Variants in PTCHD4 observed in about 807,000 individuals in gnomAD.
PTCHD4 encodes the protein patched domain-containing protein 4.
PTCHD4 carries 33 observed loss-of-function variants against 58.1 expected under a neutral mutation model. The ratio of observed to expected loss-of-function variants is 0.57; its 90% CI spans 0.43 to 0.76. The LOEUF (loss-of-function observed/expected upper bound fraction) is 0.76. Ranked by LOEUF, PTCHD4 falls within the 30% of genes least tolerant of loss-of-function variation. The pLI is 0.00. For synonymous variants in PTCHD4, 478 were observed against 409.6 expected (o/e 1.17, Z -2.02); for missense variants, 1,058 against 1,027.1 (o/e 1.03, Z -0.41).
rs146921680 is a variant in PTCHD4 at position 47,897,494 on chromosome 6, T to G, written c.899-17558A>C. ...ATTCTGTCTCCAACAGCAACTGAAT[T>G]TATGAGGCAAACCACAGTCCTCCAT... On this transcript the variant is annotated intron_variant, in intron 4 of 4. Coordinates refer to ENST00000339488, the MANE Select transcript of PTCHD4 (RefSeq NM_001384253.1). 1.5e-4 allele frequency among the ~76,000 whole-genome samples: 23 copies of G among 152,302 alleles called. No homozygotes were observed. In the East Asian group the frequency reaches 4.4e-3, roughly 29 times the overall value.
chr6:48,004,060 T>C (rs1562001050), intron 4 of PTCHD4, among the ~76,000 whole-genome samples: 1 of 152,194 alleles, frequency 6.6e-6, no homozygotes, highest in Non-Finnish European at 1.5e-5. Context: ...TTAGTTGTCC[T>C]ATTCATCCCT....
intron 1 of PTCHD4, among the ~76,000 whole-genome samples, chr6:48,102,402 T>A (rs1392253032): frequency 6.6e-6 from 1 of 152,212 alleles, no homozygotes; most frequent in Non-Finnish European, 1.5e-5. Flanking sequence ...GTTCTCGAGT[T>A]TCAGCCAAAA....
intron 4 of PTCHD4, among the ~76,000 whole-genome samples, chr6:47,958,038 T>A (rs576190918): frequency 1.8e-4 from 28 of 152,338 alleles, no homozygotes; most frequent in African/African-American, 6.0e-4. Context: ...GAAAGCCCAC[T>A]CTTTAGCTAC....
At chr6:47,917,046 A>G (rs2113877597) in intron 4 of PTCHD4, among the ~76,000 whole-genome samples, 1 of 152,014 alleles carries the variant, frequency 6.6e-6, no homozygotes, top group African/African-American at 2.4e-5. Context: ...CATATAGTGG[A>G]CAACTTTGTA....
At position 47,874,156 on chromosome 6, in the gene PTCHD4, T is replaced by C. The variant is rs114856829; in HGVS notation, c.*4147A>G. On this transcript the variant is annotated 3_prime_UTR_variant, in exon 5 of 5. Transcript: ENST00000339488. Reference sequence around the variant, plus strand: ...ACCAATACAGAATATACTAGGCCCTTTGCCTGGAAGCCAGATTTCACTTCT... The same window carrying C: ...ACCAATACAGAATATACTAGGCCCTCTGCCTGGAAGCCAGATTTCACTTCT... 0.014 allele frequency among the ~76,000 whole-genome samples: 2,060 copies of C among 151,854 alleles called. 23 individuals are homozygous for C. Among genetic ancestry groups the C allele is most frequent in the South Asian group, 0.026 (124 of 4,822 alleles).
rs1581850546 is a variant in PTCHD4, at chr6:47,901,641, A to G, written c.899-21705T>C. The stretch of plus-strand genomic sequence containing the variant: ...ATAGAAAAGACAGTATGGGTTACAG[A>G]CACACAGCTGTTAAGCACAGGGAGG... On this transcript the variant is annotated intron_variant, in intron 4 of 4. Transcript: ENST00000339488. 9 of 1,123,602 alleles carry G rather than the reference A, an allele frequency of 8.0e-6. No individual in the cohort carries two copies. In the South Asian group the frequency reaches 2.0e-4, roughly 25 times the overall value. 69.6% of individuals were successfully genotyped at this position (1,123,602 alleles called of 1,614,324 possible).
At chr6:47,965,832 A>G (rs1174317010) in intron 4 of PTCHD4, among the ~76,000 whole-genome samples, 6 of 152,010 alleles carry the variant, frequency 3.9e-5, no homozygotes, top group Non-Finnish European at 8.8e-5. Context: ...GGAGAATGGC[A>G]TGAACCCGGG....
intron 4 of PTCHD4, among the ~76,000 whole-genome samples, chr6:47,962,730 C>G (rs1395380759): frequency 6.6e-6 from 1 of 152,032 alleles, no homozygotes; most frequent in Non-Finnish European, 1.5e-5. Flanking sequence ...TTATAAATTA[C>G]CCAGTCTCGG....
At chr6:47,957,935 C>A (rs1581933568) in intron 4 of PTCHD4, among the ~76,000 whole-genome samples, 1 of 152,156 alleles carries the variant, frequency 6.6e-6, no homozygotes, top group East Asian at 1.9e-4. Context: ...ATATACACAT[C>A]AATGCTAAGC....
chr6:47,980,226 G>A (rs930257045), intron 4 of PTCHD4, among the ~76,000 whole-genome samples: 2 of 151,960 alleles, frequency 1.3e-5, no homozygotes, highest in African/African-American at 4.8e-5. Context: ...ATTTCCCAGA[G>A]TTCTTATATA....
intron 4 of PTCHD4, among the ~76,000 whole-genome samples, chr6:47,979,838 G>A (rs1411585864): frequency 6.6e-6 from 1 of 151,938 alleles, no homozygotes; most frequent in African/African-American, 2.4e-5. Flanking sequence ...CATATTTCCT[G>A]CAAGTTCATA....
intron 4 of PTCHD4, among the ~76,000 whole-genome samples, chr6:47,943,806 C>T (rs554704610): frequency 7.9e-5 from 12 of 152,080 alleles, no homozygotes; most frequent in Admixed American, 3.3e-4. Flanking sequence ...TTAGTATAAT[C>T]GAAAATCAGG....
intron 4 of PTCHD4, among the ~76,000 whole-genome samples, chr6:47,962,055 A>G (rs1767119724): frequency 6.6e-6 from 1 of 152,134 alleles, no homozygotes; most frequent in Admixed American, 6.5e-5. Flanking sequence ...AGAAAAAATC[A>G]GTCTCAGGAA....
rs76195144 is a variant in PTCHD4, at chr6:47,984,991, A to T, written c.898+23643T>A. On this transcript the variant is annotated intron_variant, in intron 4 of 4. Coordinates refer to ENST00000339488, the MANE Select transcript of PTCHD4 (RefSeq NM_001384253.1). ...GTATAAAGTTAGCTCAGTTCTCTGC[A>T]GTGAAATGCATTGGGAATTCCAAAT... 5.9e-4 allele frequency among the ~76,000 whole-genome samples: 90 copies of T among 152,286 alleles called. No homozygotes were observed. The East Asian group carries it at 0.015, about 26-fold the overall frequency.
In PTCHD4 at chr6:48,068,138, A is replaced by T; in HGVS notation, c.417+92T>A. ...GGCAGCCTGCCTGAGATCCTCTAGC[A>T]CTGAAATAATATCATCCAGCACGCA... On this transcript the variant is annotated intron_variant, in intron 3 of 4. Coordinates refer to ENST00000339488, the MANE Select transcript of PTCHD4 (RefSeq NM_001384253.1). The surrounding 1 kb of genome is among the most constrained non-coding windows in gnomAD (Gnocchi z 4.2). The T allele has an allele frequency of 7.3e-7, 1 of 1,368,026 alleles. No homozygotes were observed. Among genetic ancestry groups the T allele is most frequent in the Admixed American group, 2.3e-5 (1 of 43,602 alleles). 84.7% of individuals were successfully genotyped at this position (1,368,026 alleles called of 1,614,324 possible). A position where few individuals can be genotyped will look rare whatever the true frequency, so the allele number is the denominator to read the frequency against.
At chr6:48,106,781 T>C (rs1163666748) in intron 1 of PTCHD4, among the ~76,000 whole-genome samples, 1 of 152,056 alleles carries the variant, frequency 6.6e-6, no homozygotes, top group Non-Finnish European at 1.5e-5. Flanking sequence ...TGTGCAAAAA[T>C]CACAAGGATT....
At chr6:48,031,406 C>T (rs993612719) in intron 3 of PTCHD4, among the ~76,000 whole-genome samples, 1 of 152,152 alleles carries the variant, frequency 6.6e-6, no homozygotes, top group African/African-American at 2.4e-5. Flanking sequence ...CTCTCCCCTG[C>T]TGCAAGACCC....
At chr6:48,042,670 A>C (rs332587) in intron 3 of PTCHD4, among the ~76,000 whole-genome samples, 121,328 of 151,748 alleles carry the variant, frequency 0.8, 48,524 homozygotes, top group Middle Eastern at 0.85. Context: ...CTTGACCAAT[A>C]GTTTGGTCAA....
intron 4 of PTCHD4, among the ~76,000 whole-genome samples, chr6:47,998,197 T>C (rs554526362): frequency 1.3e-5 from 2 of 152,292 alleles, no homozygotes; most frequent in South Asian, 4.2e-4. Flanking sequence ...AAGGTTGCTT[T>C]TGATAGACAT....
Sources: gnomAD v4.1 joint callset for allele counts (sites outside exome capture counted in the v4.1 genomes callset) on GRCh38, gnomAD v4.1.1 for gene constraint, Gnocchi (gnomAD v3.1) non-coding constraint, MANE v1.5 for transcripts, NCBI Gene and HGNC (gene_info 2026-07-23, HGNC 2026-07-21) for gene names.